The following SYTL3 variants were observed in gnomAD, a reference collection of about 807,000 sequenced individuals.
The protein encoded by SYTL3 is synaptotagmin-like protein 3.
In SYTL3, 88 loss-of-function variants were observed where a neutral mutation model predicts 82.1. That is an observed-to-expected ratio of 1.07 (90% CI 0.90 to 1.28). The LOEUF (loss-of-function observed/expected upper bound fraction) is 1.28. Ranked by LOEUF, SYTL3 falls within the 50% of genes most tolerant of loss-of-function variation. The probability of loss-of-function intolerance (pLI) is 0.00; values close to 1 mark genes in which losing one functional copy is unlikely to be tolerated. For synonymous variants in SYTL3, 311 were observed against 289.4 expected (o/e 1.07, Z -0.76); for missense variants, 831 against 757.6 (o/e 1.10, Z -1.14).
At chr6:158,715,331 G>A (rs1404711638) in intron 9 of SYTL3, among the ~76,000 whole-genome samples, 1 of 152,102 alleles carries the variant, frequency 6.6e-6, no homozygotes, top group Non-Finnish European at 1.5e-5. Context: ...CCGAAATCCA[G>A]AGAGGTGGGA....
rs1471807716 is a variant in SYTL3 at position 158,763,366 on chromosome 6, C to T, written c.1580C>T (p.Ala527Val). The T allele has an allele frequency of 3.1e-6, 5 of 1,614,144 alleles. No individual in the cohort carries two copies. The Admixed American group carries it at 5.0e-5, about 16-fold the overall frequency. ...AAGTCGCCAGTCCTGAGGAAGCAGGCTTGCCCCCAGTGGAAACACTCATTT... is the reference window on the plus strand; with the variant it reads ...AAGTCGCCAGTCCTGAGGAAGCAGGTTTGCCCCCAGTGGAAACACTCATTT... ...RLKSPVLRKQ[A>V]CPQWKHSFVF... is the part of the protein sequence containing the mutation. The change falls in exon 17 of 18, where the codon GCT becomes GTT. Residue 527 changes from alanine (A) to valine (V), a missense_variant. Coordinates refer to ENST00000611299, the MANE Select transcript of SYTL3 (RefSeq NM_001242394.2).
At position 158,663,396 on chromosome 6, in the gene SYTL3, G is replaced by C. The variant is rs1789601502; in HGVS notation, c.110+18G>C. The C allele has an allele frequency of 6.2e-7, 1 of 1,612,146 alleles. No homozygotes were observed. The highest frequency in any genetic ancestry group is 1.7e-5 in the Admixed American group (1 of 59,878). On this transcript the variant is annotated intron_variant, in intron 4 of 17. Transcript: ENST00000611299. ...AGGACACGGTAGGCTGCCCTTCCCG[G>C]GGGGTCACTTTGGGTGTTTAGCTTT...
Position 158,713,715 on chromosome 6 carries a change from T to G in SYTL3, c.517-85T>G, listed in dbSNP as rs1265426170. Reference sequence around the variant, plus strand: ...CTCGCACACACCCACATGCCAGTGTTTTGGGGTTGGCAGCCTGGACACTGC... The same window carrying G: ...CTCGCACACACCCACATGCCAGTGTGTTGGGGTTGGCAGCCTGGACACTGC... On this transcript the variant is annotated intron_variant, in intron 8 of 17. Transcript: ENST00000611299. The G allele has an allele frequency of 7.9e-5, 76 of 968,140 alleles. 1 individual carries two copies. The South Asian group carries it at 1.0e-3, about 13-fold the overall frequency. 60.0% of individuals were successfully genotyped at this position (968,140 alleles called of 1,614,324 possible). A position where few individuals can be genotyped will look rare whatever the true frequency, so the allele number is the denominator to read the frequency against.
At chr6:158,661,477 G>T (rs1789371790) in intron 3 of SYTL3, 92 bp downstream of exon 3, 1 of 152,178 alleles carries the variant, frequency 6.6e-6, no homozygotes, top group Non-Finnish European at 1.5e-5. Context: ...CTTTGTCAGA[G>T]ACTAGAAGCC....
At chr6:158,728,240 A>G (rs1241143929) in intron 11 of SYTL3, among the ~76,000 whole-genome samples, 1 of 152,126 alleles carries the variant, frequency 6.6e-6, no homozygotes, top group African/African-American at 2.4e-5. Context: ...GCTGTGCTCC[A>G]GCTCGTTACT....
At chr6:158,684,412 G>C (rs969003980) in intron 6 of SYTL3, among the ~76,000 whole-genome samples, 2 of 152,236 alleles carry the variant, frequency 1.3e-5, no homozygotes, top group Non-Finnish European at 2.9e-5. Flanking sequence ...CTGGGACCTG[G>C]AACTGTGGAG....
intron 6 of SYTL3, among the ~76,000 whole-genome samples, chr6:158,687,997 A>T (rs569157972): frequency 4.3e-4 from 66 of 152,322 alleles, no homozygotes; most frequent in Non-Finnish European, 7.5e-4. Context: ...GTGTGTGCAC[A>T]GATAGACTTA....
At chr6:158,754,815 A>G (rs574636500) in intron 13 of SYTL3, among the ~76,000 whole-genome samples, 16 of 152,378 alleles carry the variant, frequency 1.1e-4, no homozygotes, top group Admixed American at 6.5e-4. Context: ...AGGACCCAGG[A>G]GAAGTGGCTG....
intron 6 of SYTL3, among the ~76,000 whole-genome samples, chr6:158,691,752 C>T (rs543329702): frequency 4.5e-4 from 68 of 151,246 alleles, no homozygotes; most frequent in African/African-American, 1.6e-3. Context: ...CCCGGGTTCA[C>T]GCCATTCTCC....
Position 158,708,355 on chromosome 6 carries a change from T to C in SYTL3, c.480T>C (p.Pro160=). ...CTGTGGTTCCTCCTACTCCACCTCC[T>C]GTCAGCGAGAGCCAGTGCAGCCGCA... The part of the protein sequence containing the change: ...KISVVPPTPP[P]VSESQCSRSP... Residue 160 remains proline (P), a synonymous_variant, in exon 8 of 18, where the codon CCT becomes CCC. Transcript: ENST00000611299. 5 of 1,614,216 alleles carry C rather than the reference T, an allele frequency of 3.1e-6. No individual in the cohort carries two copies. The South Asian group carries it at 4.4e-5, about 14-fold the overall frequency.
At chr6:158,666,418 C>T (rs1562351719) in intron 5 of SYTL3, among the ~76,000 whole-genome samples, 1 of 152,050 alleles carries the variant, frequency 6.6e-6, no homozygotes, top group Non-Finnish European at 1.5e-5. Flanking sequence ...TTTTGCGTTC[C>T]CCATTCTGAA....
chr6:158,726,360 CTTTG>C (rs1784719944), intron 11 of SYTL3: 2 of 304,648 alleles, frequency 6.6e-6, no homozygotes, highest in Non-Finnish European at 1.3e-5. Context: ...AACTTGTAGG[CTTTG>C]TTTGTGAATT....
At chr6:158,690,791 C>T (rs563180573) in intron 6 of SYTL3, among the ~76,000 whole-genome samples, 18 of 152,008 alleles carry the variant, frequency 1.2e-4, no homozygotes, top group Non-Finnish European at 2.2e-4. Context: ...TTGATGCCAC[C>T]GTGGTGGTTC....
In SYTL3 at chr6:158,764,626, G is replaced by A. The variant is rs947975173; in HGVS notation, c.*22G>A. ...CTGACATGAAGGCCTCAAGGTTCCA[G>A]GTTGCAGCAGGCGTGAGGCACTGTG... On this transcript the variant is annotated 3_prime_UTR_variant, in exon 18 of 18. Transcript: ENST00000611299. The A allele has an allele frequency of 3.2e-6, 5 of 1,572,394 alleles. No homozygotes were observed. Among genetic ancestry groups the A allele is most frequent in the Non-Finnish European group, 4.4e-6 (5 of 1,142,132 alleles).
intron 10 of SYTL3, among the ~76,000 whole-genome samples, chr6:158,723,925 G>C (rs146837233): frequency 1.3e-5 from 2 of 152,178 alleles, no homozygotes; most frequent in East Asian, 1.9e-4. Context: ...ACGTGTCTAC[G>C]TGTCTGTAGG....
At chr6:158,748,417 G>A (rs570323723) in intron 12 of SYTL3, among the ~76,000 whole-genome samples, 2 of 152,210 alleles carry the variant, frequency 1.3e-5, no homozygotes, top group South Asian at 4.1e-4. Context: ...TCTACCTCAG[G>A]AAAACTGGAA....
At chr6:158,750,315 A>G (rs1788237505) in intron 12 of SYTL3, among the ~76,000 whole-genome samples, 1 of 152,212 alleles carries the variant, frequency 6.6e-6, no homozygotes, top group South Asian at 2.1e-4. Flanking sequence ...GGACTGTGAT[A>G]GGGAAGTCAC....
intron 6 of SYTL3, among the ~76,000 whole-genome samples, chr6:158,686,343 C>T (rs1779291887): frequency 6.6e-6 from 1 of 152,148 alleles, no homozygotes; most frequent in Non-Finnish European, 1.5e-5. Flanking sequence ...AAAATAAACA[C>T]CAGAAAAGCC....
At chr6:158,698,197 G>C (rs1362335418) in intron 6 of SYTL3, among the ~76,000 whole-genome samples, 2 of 152,102 alleles carry the variant, frequency 1.3e-5, no homozygotes. Flanking sequence ...AGGAATTGGA[G>C]ACCAGCCTGG....
Sources: gnomAD v4.1 joint callset for allele counts (sites outside exome capture counted in the v4.1 genomes callset) on GRCh38, gnomAD v4.1.1 for gene constraint, MANE v1.5 for transcripts, NCBI Gene and HGNC (gene_info 2026-07-23, HGNC 2026-07-21) for gene names.